Variants in SHC3 observed in about 807,000 individuals in gnomAD.
SHC3 encodes the protein SHC adaptor protein 3.
Under a neutral mutation model 60.4 loss-of-function variants are expected in SHC3, and 15 were observed. The observed-to-expected ratio is 0.25, with a 90% CI of 0.17 to 0.38. SHC3 has a LOEUF of 0.38. Among genes scored for constraint, SHC3 ranks in the 10% least tolerant of loss-of-function variants. SHC3 has a pLI of 1.00. For synonymous variants in SHC3, 294 were observed against 325.9 expected (o/e 0.90, Z 1.05); for missense variants, 677 against 786.1 (o/e 0.86, Z 1.66).
chr9:89,014,574 G>C (rs1219182630), intron 11 of SHC3, among the ~76,000 whole-genome samples: 1 of 152,160 alleles, frequency 6.6e-6, no homozygotes, highest in Non-Finnish European at 1.5e-5. Flanking sequence ...CTCTCCATCA[G>C]TGTGTGCAGA....
chr9:89,034,263 G>A (rs1824536415), intron 11 of SHC3, among the ~76,000 whole-genome samples: 1 of 152,174 alleles, frequency 6.6e-6, no homozygotes, highest in Non-Finnish European at 1.5e-5. Context: ...CAGATTCCTA[G>A]ACATATCCCA....
rs11137509 is a variant in SHC3 at position 89,086,528 on chromosome 9, C to T, written c.546-8625G>A. ...CAGGATGTGACGCCCTAGAGAGGAC[C>T]CTCTGCATGTTTAGCTGTCTAGCAG... On this transcript the variant is annotated intron_variant, in intron 2 of 11. Transcript: ENST00000375835. Among the ~76,000 whole-genome samples the T allele has an allele frequency of 2.7e-3, 417 of 152,274 alleles. 3 individuals carry two copies. Among genetic ancestry groups the T allele is most frequent in the African/African-American group, 9.7e-3 (402 of 41,544 alleles).
chr9:89,154,159 G>A lies in SHC3; in HGVS notation c.474+23828C>T, dbSNP rs1035258569. Among the ~76,000 whole-genome samples, 6 of 152,118 alleles carry A rather than the reference G, an allele frequency of 3.9e-5. No homozygotes were observed. The East Asian group carries it at 5.8e-4, about 15-fold the overall frequency. The stretch of plus-strand genomic sequence containing the variant: ...GGAGGTTACTAACTGGTTGGAAGCC[G>A]TTCTGTTTCTTAAAACATTATGAGA... On this transcript the variant is annotated intron_variant, in intron 1 of 11. Transcript: ENST00000375835.
chr9:89,098,893 A>G (rs1211757623), intron 2 of SHC3, among the ~76,000 whole-genome samples: 1 of 151,996 alleles, frequency 6.6e-6, no homozygotes, highest in Non-Finnish European at 1.5e-5. Flanking sequence ...AATTGCTTAA[A>G]CCTGGGAGGT....
chr9:89,051,854 A>G lies in SHC3; in HGVS notation c.962+183T>C, dbSNP rs546411949. ...TTTCTACACATTCAAAGCATCATCC[A>G]TATGTTGGCTTCCATCTGTTGGCTT... On this transcript the variant is annotated intron_variant, in intron 7 of 11. Transcript: ENST00000375835. 3.3e-5 allele frequency among the ~76,000 whole-genome samples: 5 copies of G among 152,332 alleles called. No individual in the cohort carries two copies. In the East Asian group the frequency reaches 7.7e-4, roughly 23 times the overall value.
Position 89,010,397 on chromosome 9 carries a change from C to T in SHC3, c.*3050G>A, listed in dbSNP as rs1051371467. ...CCACAATGAGCACCCCCATGAGAGG[C>T]CCAGCCGGCCTCCGTGGGACAGAGA... is the stretch of plus-strand genomic sequence containing the variant. On this transcript the variant is annotated 3_prime_UTR_variant, in exon 12 of 12. Transcript: ENST00000375835. 1 of 152,222 alleles carries T rather than the reference C, an allele frequency of 6.6e-6. No homozygotes were observed. The highest frequency in any genetic ancestry group is 6.5e-5 in the Admixed American group (1 of 15,284). 9.4% of individuals were successfully genotyped at this position (152,222 alleles called of 1,614,324 possible).
chr9:89,072,494 A>C (rs1173912125), intron 4 of SHC3, among the ~76,000 whole-genome samples: 1 of 152,164 alleles, frequency 6.6e-6, no homozygotes, highest in Admixed American at 6.5e-5. Context: ...GGCGCCATCT[A>C]AAGCACTCTT....
At chr9:89,068,509 T>C (rs572862239) in intron 5 of SHC3, among the ~76,000 whole-genome samples, 1 of 152,362 alleles carries the variant, frequency 6.6e-6, no homozygotes, top group East Asian at 1.9e-4. Flanking sequence ...GAATGTAATC[T>C]CATGCACAAT....
At chr9:89,071,896 ACT>A (rs1277238738) in intron 4 of SHC3, among the ~76,000 whole-genome samples, 2 of 151,748 alleles carry the variant, frequency 1.3e-5, no homozygotes, top group Admixed American at 1.3e-4. Context: ...CACATCAAAG[ACT>A]CTTCCTTGCA....
chr9:89,077,766 G>T, intron 3 of SHC3, 74 bp downstream of exon 3: 1 of 1,538,366 alleles, frequency 6.5e-7, no homozygotes, highest in South Asian at 1.1e-5. Flanking sequence ...AATTCTGTGT[G>T]ACTGAAGATA....
Position 89,019,828 on chromosome 9 carries a change from C to T in SHC3, c.1657-6253G>A, listed in dbSNP as rs1587676722. The stretch of plus-strand genomic sequence containing the variant: ...ATATTGTCAAGGTGTCAGTTCTTTG[C>T]AATATTTATTAAATAATATCAAATA... On this transcript the variant is annotated intron_variant, in intron 11 of 11. Transcript: ENST00000375835. 2.0e-5 allele frequency among the ~76,000 whole-genome samples: 3 copies of T among 152,022 alleles called. No homozygotes were observed. In the East Asian group the frequency reaches 5.8e-4, roughly 29 times the overall value.
Position 89,178,045 on chromosome 9 carries a change from C to A in SHC3, c.416G>T (p.Arg139Leu). 8.1e-7 allele frequency: 1 copy of A among 1,228,502 alleles called. No homozygotes were observed. The highest frequency in any genetic ancestry group is 1.0e-6 in the Non-Finnish European group (1 of 985,998). The allele number at this position is 1,228,502 out of a possible 1,614,324, so 76.1% of individuals were successfully genotyped here. A position where few individuals can be genotyped will look rare whatever the true frequency, so the allele number is the denominator to read the frequency against. The change falls in exon 1 of 12, where the codon CGG becomes CTG. Residue 139 changes from arginine (R) to leucine (L), a missense_variant. Transcript: ENST00000375835. This position sits in a 1 kb window ranked among gnomAD's most constrained non-coding sequence, Gnocchi z 6.9. ...CTGGTCGCTGGCGTGCGGCGCCCCC[C>A]GAGGGGGCCTGGGCAGCGGCTCGTC... ...PGDEPLPRPP[R>L]GAPHASDQVL...
intron 11 of SHC3, among the ~76,000 whole-genome samples, chr9:89,036,414 C>T (rs925019725): frequency 1.3e-5 from 2 of 152,164 alleles, no homozygotes; most frequent in Non-Finnish European, 2.9e-5. Context: ...GTAGCTCAGC[C>T]ATTCTGAAAG....
intron 1 of SHC3, among the ~76,000 whole-genome samples, chr9:89,166,834 T>C (rs927934728): frequency 5.3e-5 from 8 of 152,090 alleles, no homozygotes; most frequent in Non-Finnish European, 1.2e-4. Context: ...TCCCTGTATA[T>C]GTAATTATAA....
intron 1 of SHC3, among the ~76,000 whole-genome samples, chr9:89,116,676 G>A (rs560275573): frequency 3.9e-5 from 6 of 152,244 alleles, no homozygotes; most frequent in South Asian, 2.1e-4. Flanking sequence ...TGTGAATACC[G>A]TGAACAGTAT....
chr9:89,144,399 G>T (rs759036996), intron 1 of SHC3, among the ~76,000 whole-genome samples: 9 of 152,176 alleles, frequency 5.9e-5, no homozygotes, highest in Non-Finnish European at 1.3e-4. Context: ...CTTGTTAAAC[G>T]CAAGCTGCTA....
intron 1 of SHC3, among the ~76,000 whole-genome samples, chr9:89,115,546 T>C (rs994387013): frequency 5.3e-5 from 8 of 152,112 alleles, no homozygotes; most frequent in Admixed American, 4.6e-4. Context: ...TCATCAGCAA[T>C]GTCACAGTGC....
chr9:89,129,616 G>A (rs1038173503), intron 1 of SHC3, among the ~76,000 whole-genome samples: 1 of 152,156 alleles, frequency 6.6e-6, no homozygotes, highest in Non-Finnish European at 1.5e-5. Context: ...CATTCTTAAA[G>A]AAAAGGATTT....
intron 1 of SHC3, among the ~76,000 whole-genome samples, chr9:89,137,535 A>T (rs1395280932): frequency 2.0e-5 from 3 of 152,138 alleles, no homozygotes; most frequent in Non-Finnish European, 1.5e-5. Flanking sequence ...AATTCCAATC[A>T]AGTTTCTGAA....
Sources: allele counts gnomAD v4.1 joint callset (sites outside exome capture counted in the v4.1 genomes callset), GRCh38; gene constraint gnomAD v4.1.1; non-coding constraint Gnocchi (gnomAD v3.1); transcripts MANE v1.5; gene names NCBI Gene and HGNC (gene_info 2026-07-23, HGNC 2026-07-21).